Variants in GLI3 observed in about 807,000 individuals in gnomAD.
GLI3 encodes the protein GLI family zinc finger 3.
Under a neutral mutation model 100.8 loss-of-function variants are expected in GLI3, and 20 were observed. That is an observed-to-expected ratio of 0.20 (90% CI 0.14 to 0.29). The LOEUF (loss-of-function observed/expected upper bound fraction) is 0.29, where lower values mean the gene tolerates loss of function less well. Ranked by LOEUF, GLI3 falls within the 10% of genes least tolerant of loss-of-function variation. The pLI is 1.00. For missense variants in GLI3, 2,040 were observed against 2,128.5 expected (o/e 0.96, Z 0.82); for synonymous variants, 938 against 860.5 (o/e 1.09, Z -1.58).
chr7:42,095,896 C>A (rs3779146), intron 3 of GLI3, among the ~76,000 whole-genome samples: 3 of 151,676 alleles, frequency 2.0e-5, no homozygotes, highest in Non-Finnish European at 2.9e-5. Context: ...AGGGAAGGTA[C>A]AGGAAGAGGA....
At chr7:42,172,416 T>C (rs537439457) in intron 2 of GLI3, 12 of 612,988 alleles carry the variant, frequency 2.0e-5, no homozygotes, top group Admixed American at 1.6e-4. Context: ...GGCATTTCTA[T>C]CAAAAAGCAG....
rs770229618 is a variant in GLI3, at chr7:42,006,204, C to T, written c.1497+17264G>A. Among the ~76,000 whole-genome samples the T allele has an allele frequency of 2.1e-4, 32 of 152,214 alleles. 1 individual carries two copies. Among genetic ancestry groups the T allele is most frequent in the Non-Finnish European group, 3.8e-4 (26 of 68,028 alleles). On this transcript the variant is annotated intron_variant, in intron 10 of 14. Coordinates refer to ENST00000395925, the MANE Select transcript of GLI3 (RefSeq NM_000168.6). Reference sequence around the variant, plus strand: ...TGCCCAGAACAAGGCTGTCTGTTGTCTGCCAGACTTCAGGCTCCAATGGGG... The same window carrying T: ...TGCCCAGAACAAGGCTGTCTGTTGTTTGCCAGACTTCAGGCTCCAATGGGG...
In GLI3 at chr7:41,977,730, CA is replaced by C; in HGVS notation, c.1648-9del. 1 of 1,613,396 alleles carries C rather than the reference CA, an allele frequency of 6.2e-7. No homozygotes were observed. Among genetic ancestry groups the C allele is most frequent in the Non-Finnish European group, 8.5e-7 (1 of 1,179,332 alleles). ...CTTTGTGCAACCTTCAAACTGAGGA[CA>C]ACAGGTAAATCTGGATTACTCTGCA... On this transcript the variant is annotated splice_polypyrimidine_tract_variant and intron_variant, in intron 11 of 14. Transcript: ENST00000395925.
intron 6 of GLI3, among the ~76,000 whole-genome samples, chr7:42,044,201 T>C (rs1039524106): frequency 1.3e-5 from 2 of 152,264 alleles, no homozygotes; most frequent in East Asian, 3.9e-4. Context: ...AGAATCCAAA[T>C]AGATTGTAAA....
At chr7:42,252,435 A>G (rs768314575) in intron 1 of GLI3, among the ~76,000 whole-genome samples, 5 of 152,136 alleles carry the variant, frequency 3.3e-5, no homozygotes, top group Non-Finnish European at 5.9e-5. Context: ...CCCATGACAC[A>G]CGTTTACCTT....
At position 42,101,326 on chromosome 7, in the gene GLI3, C is replaced by T. The variant is rs574171765; in HGVS notation, c.368-24469G>A. ...TGATAAATAAAAAATCCAGGACTGG[C>T]GTGGTGGCTCCCGCCTGTAATCCCA... On this transcript the variant is annotated intron_variant, in intron 3 of 14. Coordinates refer to ENST00000395925, the MANE Select transcript of GLI3 (RefSeq NM_000168.6). Among the ~76,000 whole-genome samples, 18 of 152,150 alleles carry T rather than the reference C, an allele frequency of 1.2e-4. No homozygotes were observed. The East Asian group carries it at 2.5e-3, about 21-fold the overall frequency.
At chr7:42,179,330 G>A (rs1423418379) in intron 2 of GLI3, among the ~76,000 whole-genome samples, 7 of 152,108 alleles carry the variant, frequency 4.6e-5, no homozygotes, top group South Asian at 2.1e-4. Flanking sequence ...TATTGGCAGC[G>A]TGAAAACAGA....
intron 2 of GLI3, among the ~76,000 whole-genome samples, chr7:42,215,172 T>G (rs1788350087): frequency 1.3e-5 from 2 of 151,982 alleles, no homozygotes; most frequent in African/African-American, 4.8e-5. Flanking sequence ...GGTCAAAATT[T>G]TGGGGAGGTG....
chr7:41,971,783 C>T (rs187545849), intron 13 of GLI3, among the ~76,000 whole-genome samples: 1 of 152,322 alleles, frequency 6.6e-6, no homozygotes, highest in East Asian at 1.9e-4. Flanking sequence ...CCTCCTCATC[C>T]TCCTCAGCTC....
chr7:42,084,225 C>CAGAT (rs1391138068), intron 3 of GLI3, among the ~76,000 whole-genome samples: 1 of 152,206 alleles, frequency 6.6e-6, no homozygotes, highest in Non-Finnish European at 1.5e-5. Context: ...TTTAAACAGT[C>CAGAT]AGATAGATCC....
rs775236579 is a variant in GLI3 at position 42,045,398 on chromosome 7, A to T, written c.812T>A (p.Leu271His). 3.3e-5 allele frequency: 53 copies of T among 1,614,078 alleles called. No individual in the cohort carries two copies. The South Asian group carries it at 5.6e-4, about 17-fold the overall frequency. The change falls in exon 6 of 15, where the codon CTT (leucine) becomes CAT (histidine). Residue 271 changes from leucine (L) to histidine (H), a missense_variant. Transcript: ENST00000395925. ...CCGTCACTTACTATCCATAGCATGA[A>T]GATATTCCATGTGGATGGCCCCCGT... ...AGTGAIHMEYLHAMDSTRFSS... is the reference protein window; with the variant it reads ...AGTGAIHMEYHHAMDSTRFSS...
At chr7:42,216,861 G>A (rs28398822) in intron 2 of GLI3, among the ~76,000 whole-genome samples, 3,501 of 152,290 alleles carry the variant, frequency 0.023, 57 homozygotes, top group South Asian at 0.045. Flanking sequence ...TAGGTTATGC[G>A]ATGGGATAGT....
chr7:42,229,248 T>G (rs1788647745), intron 1 of GLI3, among the ~76,000 whole-genome samples: 1 of 152,194 alleles, frequency 6.6e-6, no homozygotes, highest in East Asian at 1.9e-4. Flanking sequence ...TCTCTTCTCT[T>G]TTTTTTCTTA....
intron 3 of GLI3, among the ~76,000 whole-genome samples, chr7:42,112,211 T>C (rs896893435): frequency 6.6e-6 from 1 of 152,218 alleles, no homozygotes; most frequent in Non-Finnish European, 1.5e-5. Flanking sequence ...TGTGCATATC[T>C]GGGCCCCAGA....
chr7:42,040,018 G>A lies in GLI3; in HGVS notation c.1028+20C>T. 1 of 1,576,366 alleles carries A rather than the reference G, an allele frequency of 6.3e-7. No homozygotes were observed. Among genetic ancestry groups the A allele is most frequent in the Non-Finnish European group, 8.7e-7 (1 of 1,145,486 alleles). ...ACATTACATTTAAAAAACACATAAT[G>A]GATTCAGGAAAATACATACCTGATT... On this transcript the variant is annotated intron_variant, in intron 7 of 14. Transcript: ENST00000395925.
intron 13 of GLI3, among the ~76,000 whole-genome samples, chr7:41,970,771 A>G (rs1787342477): frequency 6.6e-6 from 1 of 152,214 alleles, no homozygotes. Context: ...AATATAAATC[A>G]TCGGTTTCAT....
rs766109935 is a variant in GLI3, at chr7:42,040,065, T to C, written c.1001A>G (p.Tyr334Cys). The stretch of plus-strand genomic sequence containing the variant: ...GATTGCACTTGCAGATAAGTGACCA[T>C]AGGAGCCACTTGCTGAAGAGCTGCT... ...SRSSSSASGS[Y>C]GHLSASAISP... Residue 334 changes from tyrosine to cysteine, a missense_variant, in exon 7 of 15, where the codon TAT (tyrosine) becomes TGT (cysteine). By Grantham distance (194) the Tyr-to-Cys change is radical. This residue lies in a region of GLI3 where 603 missense variants were observed against 690.9 expected (regional missense o/e 0.87). Coordinates refer to ENST00000395925, the MANE Select transcript of GLI3 (RefSeq NM_000168.6). The C allele has an allele frequency of 3.1e-6, 5 of 1,612,976 alleles. No individual in the cohort carries two copies. The highest frequency in any genetic ancestry group is 8.5e-7 in the Non-Finnish European group (1 of 1,179,038).
At chr7:42,257,931 A>G (rs7777212) in intron 1 of GLI3, among the ~76,000 whole-genome samples, 18,246 of 152,026 alleles carry the variant, frequency 0.12, 2,533 homozygotes, top group African/African-American at 0.34. Flanking sequence ...TTCTTTTTGT[A>G]TGTTGCTGGA....
At chr7:42,010,524 T>C (rs1032543471) in intron 10 of GLI3, among the ~76,000 whole-genome samples, 1 of 152,210 alleles carries the variant, frequency 6.6e-6, no homozygotes, top group African/African-American at 2.4e-5. Context: ...GATTTTCACC[T>C]GTGTTTTGAT....
Sources: allele counts gnomAD v4.1 joint callset (sites outside exome capture counted in the v4.1 genomes callset), GRCh38; gene constraint gnomAD v4.1.1; regional missense constraint gnomAD v4.1.1; transcripts MANE v1.5; gene names NCBI Gene and HGNC (gene_info 2026-07-23, HGNC 2026-07-21).